Variants in PCDHGB4 observed in about 807,000 individuals in gnomAD.
PCDHGB4 encodes protocadherin gamma subfamily B, 4, also known as protocadherin gamma-B4.
PCDHGB4 carries 38 observed loss-of-function variants against 60.5 expected under a neutral mutation model. That is an observed-to-expected ratio of 0.63 (90% confidence interval 0.48 to 0.82). The LOEUF (loss-of-function observed/expected upper bound fraction) is 0.82. PCDHGB4 is among the 40% of genes least tolerant of loss of function. The pLI is 0.00. For synonymous variants in PCDHGB4, 456 were observed against 509.7 expected, an observed-to-expected ratio of 0.89 and a Z score of 1.42; for missense variants, 1,109 against 1,209.6, an observed-to-expected ratio of 0.92 and a Z score of 1.23.
chr5:141,491,583 C>G lies in PCDHGB4; in HGVS notation c.2398-3224C>G. On this transcript the variant is annotated intron_variant, in intron 1 of 3. Coordinates refer to ENST00000519479, the MANE Select transcript of PCDHGB4 (RefSeq NM_003736.4). This position sits in a 1 kb window ranked among gnomAD's most constrained non-coding sequence, Gnocchi z 6.9. ...GCTACAGGACGTGCTTTTCACCGGC[C>G]TCGGACGGCAGTGACTTCACTTTTC... is the stretch of plus-strand genomic sequence containing the variant. 1 of 1,613,964 alleles carries G rather than the reference C, an allele frequency of 6.2e-7. No individual in the cohort carries two copies. The highest frequency in any genetic ancestry group is 8.5e-7 in the Non-Finnish European group (1 of 1,180,046).
chr5:141,407,949 C>T, intron 1 of PCDHGB4: 1 of 575,256 alleles, frequency 1.7e-6, no homozygotes, highest in Non-Finnish European at 2.8e-6. Context: ...CCGCTGTCGG[C>T]CAGTGCAGAG....
chr5:141,470,147 T>A (rs1394329530), intron 1 of PCDHGB4, among the ~76,000 whole-genome samples: 1 of 152,172 alleles, frequency 6.6e-6, no homozygotes. Context: ...AGATCATAGA[T>A]CATCTTATCA....
Position 141,489,601 on chromosome 5 carries a change from G to A in PCDHGB4, c.2398-5206G>A. On this transcript the variant is annotated intron_variant, in intron 1 of 3. Transcript: ENST00000519479. This position sits in a 1 kb window ranked among gnomAD's most constrained non-coding sequence, Gnocchi z 4.5. ...CCCCCTGGAGCTAATCCGTGTAGAG[G>A]TAGAGATCCTGGATCTCAATGACAA... 2 of 1,614,042 alleles carry A rather than the reference G, an allele frequency of 1.2e-6. No individual in the cohort carries two copies. Among genetic ancestry groups the A allele is most frequent in the East Asian group, 4.5e-5 (2 of 44,882 alleles).
chr5:141,427,890 G>T lies in PCDHGB4; in HGVS notation c.2397+37609G>T, dbSNP rs1438515062. 1.9e-6 allele frequency: 3 copies of T among 1,566,844 alleles called. No homozygotes were observed. In the South Asian group the frequency reaches 3.3e-5, roughly 17 times the overall value. Reference sequence around the variant, plus strand: ...GCTCACGATGCAGGCCCACGACCAGGGCTCGCCCGCGCTCAGCGCCAACAT... The same window carrying T: ...GCTCACGATGCAGGCCCACGACCAGTGCTCGCCCGCGCTCAGCGCCAACAT... On this transcript the variant is annotated intron_variant, in intron 1 of 3. Transcript: ENST00000519479.
chr5:141,509,843 C>T (rs1596253565), intron 3 of PCDHGB4, among the ~76,000 whole-genome samples: 1 of 152,178 alleles, frequency 6.6e-6, no homozygotes, highest in African/African-American at 2.4e-5. Context: ...CTCCCATTCA[C>T]TCAGAACAGG....
intron 1 of PCDHGB4, chr5:141,394,860 G>T: frequency 1.2e-6 from 2 of 1,613,792 alleles, no homozygotes; most frequent in Non-Finnish European, 1.7e-6. Context: ...GCCTTCGGTC[G>T]ACCCGAACGA....
At chr5:141,405,442 C>A in intron 1 of PCDHGB4, 1 of 1,378,146 alleles carries the variant, frequency 7.3e-7, no homozygotes, top group Non-Finnish European at 1.0e-6. Context: ...GTTTTTGAGA[C>A]AGAGTCTTAC....
At position 141,389,253 on chromosome 5, in the gene PCDHGB4, G is replaced by T. The variant is rs998614321; in HGVS notation, c.1369G>T (p.Val457Phe). ...APVFSQSSYI[V>F]HVAENNPPGA... The stretch of plus-strand genomic sequence containing the variant: ...GGTTTTCTCACAGTCTTCCTATATA[G>T]TCCACGTGGCCGAGAACAACCCGCC... Residue 457 changes from valine (V) to phenylalanine (F), a missense_variant, in exon 1 of 4, where the codon GTC (valine) becomes TTC (phenylalanine). By Grantham distance (50) the Val-to-Phe change is conservative (BLOSUM62 -1). Transcript: ENST00000519479. 1.9e-6 allele frequency: 3 copies of T among 1,613,892 alleles called. No homozygotes were observed. The highest frequency in any genetic ancestry group is 2.5e-6 in the Non-Finnish European group (3 of 1,179,902).
chr5:141,393,350 C>T (rs775303289), intron 1 of PCDHGB4: 25 of 1,613,840 alleles, frequency 1.5e-5, no homozygotes, highest in Non-Finnish European at 1.9e-5. Flanking sequence ...ACCACTTCTC[C>T]CTGGACGTGC....
At chr5:141,425,296 T>A (rs1283179158) in intron 1 of PCDHGB4, among the ~76,000 whole-genome samples, 1 of 152,194 alleles carries the variant, frequency 6.6e-6, no homozygotes, top group Non-Finnish European at 1.5e-5. Flanking sequence ...TAAAACCTCA[T>A]CTAAACTAAC....
intron 1 of PCDHGB4, among the ~76,000 whole-genome samples, chr5:141,397,520 TA>T (rs2093534630): frequency 6.6e-6 from 1 of 152,170 alleles, no homozygotes; most frequent in South Asian, 2.1e-4. Flanking sequence ...CCATAGCTAA[TA>T]AAAAATGAAT....
At chr5:141,478,408 G>C in intron 1 of PCDHGB4, 1 of 1,613,340 alleles carries the variant, frequency 6.2e-7, no homozygotes, top group Non-Finnish European at 8.5e-7. Flanking sequence ...ATCTCACCAC[G>C]GACTCCCGCC....
At chr5:141,467,768 C>T (rs2099151160) in intron 1 of PCDHGB4, among the ~76,000 whole-genome samples, 2 of 151,794 alleles carry the variant, frequency 1.3e-5, no homozygotes, top group African/African-American at 2.4e-5. Flanking sequence ...CTCAAGTGCC[C>T]GCACCTCAGC....
chr5:141,457,504 A>G (rs2098922754), intron 1 of PCDHGB4, among the ~76,000 whole-genome samples: 1 of 152,222 alleles, frequency 6.6e-6, no homozygotes, highest in Non-Finnish European at 1.5e-5. Context: ...GTAGGCAAAA[A>G]GCTTAAAAAC....
Position 141,493,477 on chromosome 5 carries a change from G to A in PCDHGB4, c.2398-1330G>A, listed in dbSNP as rs1657824440. On this transcript the variant is annotated intron_variant, in intron 1 of 3. Transcript: ENST00000519479. This position sits in a 1 kb window ranked among gnomAD's most constrained non-coding sequence, Gnocchi z 4.3. ...TTCCCTTTTAGGACCTTACATGTGG[G>A]GAAAGTCTTCTGTGGCTCCTCATTT... is the stretch of plus-strand genomic sequence containing the variant. Among the ~76,000 whole-genome samples, 3 of 152,124 alleles carry A rather than the reference G, an allele frequency of 2.0e-5. No individual in the cohort carries two copies. The highest frequency in any genetic ancestry group is 6.5e-5 in the Admixed American group (1 of 15,272).
chr5:141,503,401 C>A (rs987421198), intron 2 of PCDHGB4, among the ~76,000 whole-genome samples: 15 of 151,848 alleles, frequency 9.9e-5, no homozygotes, highest in Non-Finnish European at 1.9e-4. Context: ...TCGAAACCAA[C>A]CTGGCCAATA....
intron 1 of PCDHGB4, among the ~76,000 whole-genome samples, chr5:141,463,573 C>T (rs1331124291): frequency 6.6e-6 from 1 of 151,436 alleles, no homozygotes; most frequent in East Asian, 1.9e-4. Flanking sequence ...CTCAGCCTCC[C>T]GAGTAGCTGG....
At chr5:141,479,003 C>A (rs2099485569) in intron 1 of PCDHGB4, among the ~76,000 whole-genome samples, 1 of 152,176 alleles carries the variant, frequency 6.6e-6, no homozygotes, top group African/African-American at 2.4e-5. Flanking sequence ...AAACTAATAG[C>A]TTTTTGATAA....
At position 141,487,670 on chromosome 5, in the gene PCDHGB4, T is replaced by C. The variant is rs2099658277; in HGVS notation, c.2398-7137T>C. 2 of 1,612,302 alleles carry C rather than the reference T, an allele frequency of 1.2e-6. No homozygotes were observed. Among genetic ancestry groups the C allele is most frequent in the Non-Finnish European group, 1.7e-6 (2 of 1,179,082 alleles). On this transcript the variant is annotated intron_variant, in intron 1 of 3. Transcript: ENST00000519479. The surrounding 1 kb of genome is among the most constrained non-coding windows in gnomAD (Gnocchi z 5.0). The stretch of plus-strand genomic sequence containing the variant: ...TGAGGGTTATTCTGATCCAGGCATA[T>C]GGCTAGGCCATGTCCTAGAGAGTAC...
Sources: allele counts gnomAD v4.1 joint callset (sites outside exome capture counted in the v4.1 genomes callset), GRCh38; gene constraint gnomAD v4.1.1; non-coding constraint Gnocchi (gnomAD v3.1); transcripts MANE v1.5; gene names NCBI Gene and HGNC (gene_info 2026-07-23, HGNC 2026-07-21).